Variants in OPRL1 observed in about 807,000 individuals in gnomAD.
OPRL1 encodes opioid related nociceptin receptor 1.
A neutral mutation model predicts 15.5 loss-of-function variants in OPRL1; 5 were observed. The observed-to-expected ratio is 0.32, with a 90% CI of 0.17 to 0.68. The LOEUF is 0.68. Among genes scored for constraint, OPRL1 ranks in the 30% least tolerant of loss-of-function variants. The pLI is 0.72. For missense variants in OPRL1, 406 were observed against 515.3 expected (o/e 0.79, Z 2.05); for synonymous variants, 223 against 230.2 (o/e 0.97, Z 0.28).
intron 3 of OPRL1, among the ~76,000 whole-genome samples, chr20:64,095,584 G>C (rs1329545101): frequency 6.6e-6 from 1 of 151,610 alleles, no homozygotes; most frequent in Non-Finnish European, 1.5e-5. Context: ...CCGGTTGGGG[G>C]AACTCTGTTC....
chr20:64,085,908 C>T (rs1166066029), intron 1 of OPRL1, among the ~76,000 whole-genome samples: 1 of 152,176 alleles, frequency 6.6e-6, no homozygotes, highest in African/African-American at 2.4e-5. Flanking sequence ...GCACCCCATC[C>T]CACAGCTAGG....
chr20:64,084,166 C>T (rs2060013140), intron 1 of OPRL1: 7 of 1,452,430 alleles, frequency 4.8e-6, no homozygotes, highest in African/African-American at 1.5e-5. Flanking sequence ...GCGCGCTCTT[C>T]CCGCTTCGCT....
intron 1 of OPRL1, among the ~76,000 whole-genome samples, chr20:64,081,103 G>A (rs1404657897): frequency 5.9e-5 from 9 of 151,814 alleles, no homozygotes. Flanking sequence ...GGGCTGAGGA[G>A]GGGAGGGTAT....
chr20:64,097,043 TC>T lies in OPRL1; in HGVS notation c.234-758del, dbSNP rs1312710578. On this transcript the variant is annotated intron_variant, in intron 3 of 4. Transcript: ENST00000336866. This position sits in a 1 kb window ranked among gnomAD's most constrained non-coding sequence, Gnocchi z 4.2. Reference sequence around the variant, plus strand: ...ATCACCATCATCACAGTCATCACCATCATCACCATCATCATCATCACCACTA... The same window carrying T: ...ATCACCATCATCACAGTCATCACCATATCACCATCATCATCATCACCACTA... 1.4e-3 allele frequency among the ~76,000 whole-genome samples: 140 copies of T among 99,470 alleles called. 1 individual carries two copies. The highest frequency in any genetic ancestry group is 5.6e-3 in the Middle Eastern group (1 of 178). The allele number at this position is 99,470 out of a possible 152,430, so 65.3% of individuals were successfully genotyped here.
chr20:64,098,249 A>C, intron 4 of OPRL1, 27 bp from the exon 5 acceptor site: 1 of 1,604,918 alleles, frequency 6.2e-7, no homozygotes, highest in Non-Finnish European at 8.5e-7. Context: ...TCCTGGGCCC[A>C]CTCTGACCCC....
Position 64,097,645 on chromosome 20 carries a change from C to G in OPRL1, c.234-157C>G, listed in dbSNP as rs536629044. Among the ~76,000 whole-genome samples the G allele has an allele frequency of 3.9e-5, 6 of 152,298 alleles. No individual in the cohort carries two copies. The stretch of plus-strand genomic sequence containing the variant: ...CTGACTCATGAGTCTCAGGTTGGGT[C>G]CAGGAGCTATCACTTACCAAGCCCC... On this transcript the variant is annotated intron_variant, in intron 3 of 4. Transcript: ENST00000336866. The surrounding 1 kb of genome is among the most constrained non-coding windows in gnomAD (Gnocchi z 4.2).
At chr20:64,085,850 C>T (rs963276246) in intron 1 of OPRL1, among the ~76,000 whole-genome samples, 1 of 152,182 alleles carries the variant, frequency 6.6e-6, no homozygotes, top group African/African-American at 2.4e-5. Flanking sequence ...GCCCTGGCCT[C>T]TCAGTAAGAG....
At chr20:64,084,320 C>A in intron 1 of OPRL1, 1 of 1,292,056 alleles carries the variant, frequency 7.7e-7, no homozygotes, top group Non-Finnish European at 9.8e-7. Flanking sequence ...CCCCAGCTCC[C>A]GCCCGCTGGG....
At chr20:64,088,549 GT>G (rs1464409937) in intron 1 of OPRL1, among the ~76,000 whole-genome samples, 1 of 141,350 alleles carries the variant, frequency 7.1e-6, no homozygotes, top group Non-Finnish European at 1.5e-5. Context: ...TCTGTGCCAG[GT>G]TTTGGGGGCA....
At chr20:64,088,889 C>A (rs1406794620) in intron 1 of OPRL1, among the ~76,000 whole-genome samples, 15 of 150,776 alleles carry the variant, frequency 9.9e-5, no homozygotes, top group African/African-American at 1.7e-4. Context: ...AGGGTCTGTG[C>A]AGAGTGGCCA....
At chr20:64,096,661 G>T (rs1213046649) in intron 3 of OPRL1, among the ~76,000 whole-genome samples, 2 of 151,844 alleles carry the variant, frequency 1.3e-5, no homozygotes, top group Non-Finnish European at 2.9e-5. Context: ...TGTCATCTTG[G>T]GTGCTGCTGC....
In OPRL1 at chr20:64,092,761, A is replaced by C; in HGVS notation, c.41A>C (p.Tyr14Ser). 1 of 1,612,662 alleles carries C rather than the reference A, an allele frequency of 6.2e-7. No individual in the cohort carries two copies. The highest frequency in any genetic ancestry group is 8.5e-7 in the Non-Finnish European group (1 of 1,179,918). ...CCCGCGCCGTTCTGGGAGGTTATCTACGGCAGCCACCTTCAGGGCAACCTG... is the reference window on the plus strand; with the variant it reads ...CCCGCGCCGTTCTGGGAGGTTATCTCCGGCAGCCACCTTCAGGGCAACCTG... ...LFPAPFWEVI[Y>S]GSHLQGNLSL... Residue 14 changes from tyrosine (Y) to serine (S), a missense_variant, in exon 3 of 5, where the codon TAC becomes TCC. Transcript: ENST00000336866.
At position 64,090,021 on chromosome 20, in the gene OPRL1, T is replaced by A. The variant is rs753707605; in HGVS notation, c.-184-1945T>A. 2.0e-5 allele frequency among the ~76,000 whole-genome samples: 3 copies of A among 152,188 alleles called. No individual in the cohort carries two copies. Among genetic ancestry groups the A allele is most frequent in the Non-Finnish European group, 2.9e-5 (2 of 68,030 alleles). ...TTTGCCTGGAGAGCGTGTTTGTGCA[T>A]GTGTGTGTCCTCTGGGTGTCGGAGG... On this transcript the variant is annotated intron_variant, in intron 1 of 4. Coordinates refer to ENST00000336866, the MANE Select transcript of OPRL1 (RefSeq NM_182647.4). The surrounding 1 kb of genome is among the most constrained non-coding windows in gnomAD (Gnocchi z 4.9).
rs769344099 is a variant in OPRL1 at position 64,098,705 on chromosome 20, G to A, written c.1019G>A (p.Arg340His). 7.4e-6 allele frequency: 12 copies of A among 1,612,564 alleles called. No homozygotes were observed. Among genetic ancestry groups the A allele is most frequent in the African/African-American group, 1.3e-5 (1 of 75,046 alleles). The change falls in exon 5 of 5, where the codon CGC becomes CAC. Residue 340 changes from arginine (R) to histidine (H), a missense_variant. Physicochemically the swap from Arg to His is conservative, Grantham distance 29. Transcript: ENST00000336866. ...FRKFCCASAL[R>H]RDVQVSDRVR... is the part of the protein sequence containing the mutation. ...AAGTTCTGCTGTGCATCTGCCCTGC[G>A]CCGGGACGTGCAGGTGTCTGACCGC...
Position 64,083,050 on chromosome 20 carries a change from C to T in OPRL1, c.-185+2698C>T, listed in dbSNP as rs2059985537. The stretch of plus-strand genomic sequence containing the variant: ...CCTGGCCCCCTGGTGGGATGACTCG[C>T]ACTCGAGACCACTGCAGCCTGAGGC... On this transcript the variant is annotated intron_variant, in intron 1 of 4. Coordinates refer to ENST00000336866, the MANE Select transcript of OPRL1 (RefSeq NM_182647.4). The surrounding 1 kb of genome is among the most constrained non-coding windows in gnomAD (Gnocchi z 4.9). 6.6e-6 allele frequency among the ~76,000 whole-genome samples: 1 copy of T among 152,176 alleles called. No homozygotes were observed. The highest frequency in any genetic ancestry group is 2.4e-5 in the African/African-American group (1 of 41,436).
intron 1 of OPRL1, among the ~76,000 whole-genome samples, chr20:64,085,681 CT>C (rs2060040405): frequency 6.9e-6 from 1 of 145,302 alleles, no homozygotes; most frequent in Non-Finnish European, 1.6e-5. Context: ...TGTCTGTACT[CT>C]CTCTATATTC....
chr20:64,088,771 G>A (rs112564112), intron 1 of OPRL1, among the ~76,000 whole-genome samples: 25 of 127,826 alleles, frequency 2.0e-4, no homozygotes, highest in South Asian at 2.6e-4. Flanking sequence ...GATCTGTGCA[G>A]GGAGGGTAGG....
At chr20:64,091,825 T>G (rs1485874212) in intron 1 of OPRL1, 141 bp from the exon 2 acceptor site, 1 of 146,716 alleles carries the variant, frequency 6.8e-6, no homozygotes, top group East Asian at 2.0e-4. Context: ...CTGTGTGTCC[T>G]GGACTGTGTG....
At chr20:64,091,580 C>T (rs1362561510) in intron 1 of OPRL1, among the ~76,000 whole-genome samples, 14 of 152,064 alleles carry the variant, frequency 9.2e-5, no homozygotes, top group Admixed American at 7.9e-4. Flanking sequence ...GAGAGCTGGC[C>T]GGGTGGGGGC....
Sources: allele counts gnomAD v4.1 joint callset (sites outside exome capture counted in the v4.1 genomes callset), GRCh38; gene constraint gnomAD v4.1.1; non-coding constraint Gnocchi (gnomAD v3.1); transcripts MANE v1.5; gene names NCBI Gene and HGNC (gene_info 2026-07-23, HGNC 2026-07-21).